The following ENAH variants were observed in gnomAD, a reference collection of about 807,000 sequenced individuals.
ENAH encodes the protein protein enabled homolog.
In ENAH, 23 loss-of-function variants were observed where a neutral mutation model predicts 78.7. The observed-to-expected ratio is 0.29, with a 90% CI of 0.21 to 0.41. ENAH has a LOEUF of 0.41. ENAH is among the 10% of genes least tolerant of loss of function. The pLI, the probability that ENAH is intolerant of heterozygous loss-of-function variation, is 1.00. For synonymous variants in ENAH, 226 were observed against 241.0 expected (o/e 0.94, Z 0.58); for missense variants, 544 against 691.0 (o/e 0.79, Z 2.39).
intron 1 of ENAH, among the ~76,000 whole-genome samples, chr1:225,575,337 AG>A (rs2096783389): frequency 6.6e-6 from 1 of 152,154 alleles, no homozygotes; most frequent in African/African-American, 2.4e-5. Context: ...ATGCTTCCAG[AG>A]GGATATTTTT....
chr1:225,601,745 CAAT>C (rs2096932267), intron 1 of ENAH, among the ~76,000 whole-genome samples: 1 of 151,264 alleles, frequency 6.6e-6, no homozygotes, highest in South Asian at 2.1e-4. Flanking sequence ...ACTCAGGAAT[CAAT>C]AATTTTTATA....
At chr1:225,563,412 C>T (rs891484930) in intron 2 of ENAH, among the ~76,000 whole-genome samples, 5 of 152,174 alleles carry the variant, frequency 3.3e-5, no homozygotes, top group African/African-American at 1.2e-4. Context: ...CTGTAAGATA[C>T]CTGCTGTATG....
chr1:225,527,700 G>A (rs2096516114), intron 4 of ENAH, among the ~76,000 whole-genome samples: 1 of 152,132 alleles, frequency 6.6e-6, no homozygotes, highest in African/African-American at 2.4e-5. Context: ...CCTGGAGGGG[G>A]AAGGAGGAAG....
chr1:225,651,757 G>A (rs557522770), intron 1 of ENAH, among the ~76,000 whole-genome samples: 1 of 152,216 alleles, frequency 6.6e-6, no homozygotes, highest in South Asian at 2.1e-4. Context: ...AAAAGAGAAG[G>A]TTATGGACAC....
rs1558706821 is a variant in ENAH, at chr1:225,501,348, G to A, written c.1539-278C>T. 9.1e-6 allele frequency: 3 copies of A among 330,150 alleles called. No homozygotes were observed. The South Asian group carries it at 3.0e-4, about 33-fold the overall frequency. The allele number at this position is 330,150 out of a possible 1,614,324, so 20.5% of individuals were successfully genotyped here. A position where few individuals can be genotyped will look rare whatever the true frequency, so the allele number is the denominator to read the frequency against. Reference sequence around the variant, plus strand: ...GTAGAAGACAGTATTCTTTGGGCATGAGGTAACCAGGTAACGTGGCACGTT... The same window carrying A: ...GTAGAAGACAGTATTCTTTGGGCATAAGGTAACCAGGTAACGTGGCACGTT... On this transcript the variant is annotated intron_variant, in intron 11 of 13. Coordinates refer to ENST00000366843, the MANE Select transcript of ENAH (RefSeq NM_018212.6).
chr1:225,620,726 C>G (rs566748729), intron 1 of ENAH, among the ~76,000 whole-genome samples: 1 of 151,954 alleles, frequency 6.6e-6, no homozygotes, highest in African/African-American at 2.4e-5. Context: ...GAGATAGGGC[C>G]GGGTGCAGTG....
chr1:225,516,751 G>GT (rs2096420932), intron 6 of ENAH, among the ~76,000 whole-genome samples: 1 of 152,140 alleles, frequency 6.6e-6, no homozygotes, highest in South Asian at 2.1e-4. Flanking sequence ...GCATGTGCCT[G>GT]TAACTCCTGC....
intron 11 of ENAH, among the ~76,000 whole-genome samples, chr1:225,501,525 T>C (rs1451716822): frequency 6.6e-6 from 1 of 152,242 alleles, no homozygotes; most frequent in Non-Finnish European, 1.5e-5. Flanking sequence ...TGTTTTACAC[T>C]AACATAAATC....
Position 225,497,594 on chromosome 1 carries a change from G to A in ENAH, c.*181C>T, listed in dbSNP as rs1386155434. On this transcript the variant is annotated 3_prime_UTR_variant, in exon 14 of 14. Coordinates refer to ENST00000366843, the MANE Select transcript of ENAH (RefSeq NM_018212.6). ...AAAGCAGCAAACGGAGAGGGAAAGAGCTTATCACCAGAGTCATAATGTCTG... is the reference window on the plus strand; with the variant it reads ...AAAGCAGCAAACGGAGAGGGAAAGAACTTATCACCAGAGTCATAATGTCTG... The A allele has an allele frequency of 1.9e-5, 9 of 466,550 alleles. No homozygotes were observed. Among genetic ancestry groups the A allele is most frequent in the Admixed American group, 1.0e-4 (3 of 28,878 alleles). The allele number at this position is 466,550 out of a possible 1,614,324, so 28.9% of individuals were successfully genotyped here. A position where few individuals can be genotyped will look rare whatever the true frequency, so the allele number is the denominator to read the frequency against.
chr1:225,629,488 G>A (rs187219172), intron 1 of ENAH, among the ~76,000 whole-genome samples: 20 of 151,724 alleles, frequency 1.3e-4, no homozygotes, highest in African/African-American at 4.6e-4. Flanking sequence ...TCGGGAGGCT[G>A]AGGTAGGAGA....
At chr1:225,597,773 C>T (rs1221527240) in intron 1 of ENAH, among the ~76,000 whole-genome samples, 1 of 151,718 alleles carries the variant, frequency 6.6e-6, no homozygotes, top group African/African-American at 2.4e-5. Flanking sequence ...TTTTGCTACA[C>T]TGAAACGGAA....
At chr1:225,534,883 C>T (rs1037590886) in intron 3 of ENAH, among the ~76,000 whole-genome samples, 3 of 151,972 alleles carry the variant, frequency 2.0e-5, no homozygotes, top group African/African-American at 4.8e-5. Context: ...AAGTGACATA[C>T]CTGGTTTGTC....
intron 1 of ENAH, among the ~76,000 whole-genome samples, chr1:225,575,591 C>T (rs1024287255): frequency 4.6e-5 from 7 of 152,182 alleles, no homozygotes; most frequent in Non-Finnish European, 7.3e-5. Context: ...AGCAATAACA[C>T]GCCTTCCCCT....
chr1:225,579,740 C>A (rs1449776759), intron 1 of ENAH, among the ~76,000 whole-genome samples: 2 of 151,818 alleles, frequency 1.3e-5, no homozygotes, highest in African/African-American at 4.8e-5. Context: ...AATCTATTAG[C>A]CAATTAGAAG....
intron 2 of ENAH, among the ~76,000 whole-genome samples, chr1:225,558,317 G>T (rs1446123382): frequency 1.3e-5 from 2 of 152,050 alleles, no homozygotes; most frequent in Admixed American, 6.6e-5. Context: ...TTAAAGGATT[G>T]GTTGAAAAGA....
chr1:225,630,356 C>T (rs1201866986), intron 1 of ENAH, among the ~76,000 whole-genome samples: 3 of 152,072 alleles, frequency 2.0e-5, no homozygotes, highest in Non-Finnish European at 4.4e-5. Flanking sequence ...GTTTGAATTC[C>T]GGCTCCACTA....
intron 1 of ENAH, among the ~76,000 whole-genome samples, chr1:225,642,136 G>A (rs764171151): frequency 5.3e-5 from 8 of 151,726 alleles, no homozygotes; most frequent in Non-Finnish European, 7.4e-5. Context: ...AGGAGGCAGA[G>A]GTTGCAGTGA....
At chr1:225,516,301 C>T (rs2096416753) in intron 6 of ENAH, among the ~76,000 whole-genome samples, 1 of 152,132 alleles carries the variant, frequency 6.6e-6, no homozygotes, top group Admixed American at 6.5e-5. Flanking sequence ...TGAACCCTGC[C>T]ATCCTCTCTA....
chr1:225,540,968 C>CA lies in ENAH; in HGVS notation c.350-10331dup, dbSNP rs200815469. Among the ~76,000 whole-genome samples the CA allele has an allele frequency of 2.0e-4, 31 of 151,804 alleles. No individual in the cohort carries two copies. The East Asian group carries it at 2.5e-3, about 12-fold the overall frequency. On this transcript the variant is annotated intron_variant, in intron 3 of 13. Transcript: ENST00000366843. The stretch of plus-strand genomic sequence containing the variant: ...CAGTACACTAATTGAAAGCCAGTCA[C>CA]AAAAAAAACCCCACATATTTTATGA...
Sources: gnomAD v4.1 joint callset for allele counts (sites outside exome capture counted in the v4.1 genomes callset) on GRCh38, gnomAD v4.1.1 for gene constraint, MANE v1.5 for transcripts, NCBI Gene and HGNC (gene_info 2026-07-23, HGNC 2026-07-21) for gene names.